TM2D1: variants seen among roughly 807,000 people sequenced by gnomAD.
TM2D1 encodes TM2 domain-containing protein 1.
A neutral mutation model predicts 28.4 loss-of-function variants in TM2D1; 15 were observed. That is an observed-to-expected ratio of 0.53 (90% CI 0.35 to 0.81). The LOEUF (loss-of-function observed/expected upper bound fraction) is 0.81. Among genes scored for constraint, TM2D1 ranks in the 40% least tolerant of loss-of-function variants. The pLI is 0.01. For synonymous variants in TM2D1, 93 were observed against 96.2 expected (o/e 0.97, Z 0.20); for missense variants, 236 against 254.9 (o/e 0.93, Z 0.50).
At chr1:61,681,485 T>C (rs1196897099) in intron 6 of TM2D1, 135 bp from the exon 7 acceptor site, 3 of 152,342 alleles carry the variant, frequency 2.0e-5, no homozygotes, top group East Asian at 1.9e-4. Flanking sequence ...CTGTATAATG[T>C]AGAGAGATTA....
chr1:61,699,964 T>C, intron 4 of TM2D1: 1 of 525,134 alleles, frequency 1.9e-6, no homozygotes. Context: ...TCATCTTTTG[T>C]GGGTAGCAAC....
intron 6 of TM2D1, 94 bp downstream of exon 6, chr1:61,683,323 G>A: frequency 2.3e-6 from 1 of 430,858 alleles, no homozygotes; most frequent in Non-Finnish European, 4.0e-6. Context: ...GGTTTATACG[G>A]TTTCTTAAAA....
At position 61,694,704 on chromosome 1, in the gene TM2D1, G is replaced by A; in HGVS notation, c.506C>T (p.Ser169Leu). Residue 169 changes from serine (S) to leucine (L), a missense_variant, in exon 5 of 7, where the codon TCA (serine) becomes TTA (leucine). Coordinates refer to ENST00000606498, the MANE Select transcript of TM2D1 (RefSeq NM_032027.3). ...IGSLIDFILI[S>L]MQIVGPSDGS... Reference sequence around the variant, plus strand: ...CTAGATTGAGAAACTTACCTGCATTGAAATAAGAATGAAATCAATTAGGCT... The same window carrying A: ...CTAGATTGAGAAACTTACCTGCATTAAAATAAGAATGAAATCAATTAGGCT... The A allele has an allele frequency of 6.3e-7, 1 of 1,599,560 alleles. No homozygotes were observed. The highest frequency in any genetic ancestry group is 1.1e-5 in the South Asian group (1 of 88,140).
At chr1:61,682,720 C>A (rs971672133) in intron 6 of TM2D1, among the ~76,000 whole-genome samples, 2 of 151,930 alleles carry the variant, frequency 1.3e-5, no homozygotes, top group South Asian at 4.2e-4. Flanking sequence ...AATGGCGAAA[C>A]CCCATCTCTA....
chr1:61,711,080 G>C (rs905519112), intron 2 of TM2D1, among the ~76,000 whole-genome samples: 1 of 152,150 alleles, frequency 6.6e-6, no homozygotes. Flanking sequence ...GCTCAAGCCT[G>C]TGATCCCAGC....
At chr1:61,687,911 T>C (rs995120201) in intron 5 of TM2D1, among the ~76,000 whole-genome samples, 2 of 152,186 alleles carry the variant, frequency 1.3e-5, no homozygotes, top group African/African-American at 4.8e-5. Context: ...CTCCCCCAAA[T>C]AACTAATACT....
chr1:61,702,661 C>T (rs1338857348), intron 3 of TM2D1, among the ~76,000 whole-genome samples: 4 of 150,858 alleles, frequency 2.7e-5, no homozygotes, highest in Admixed American at 1.3e-4. Flanking sequence ...AGCCACCATG[C>T]CTGGTCCAAT....
chr1:61,721,000 G>A (rs535419156), intron 2 of TM2D1, among the ~76,000 whole-genome samples: 28 of 151,716 alleles, frequency 1.8e-4, no homozygotes, highest in African/African-American at 5.1e-4. Flanking sequence ...CAGGTGGATC[G>A]CTTGAGCCCA....
intron 2 of TM2D1, among the ~76,000 whole-genome samples, chr1:61,718,597 A>T (rs1310501239): frequency 6.6e-6 from 1 of 152,234 alleles, no homozygotes; most frequent in African/African-American, 2.4e-5. Flanking sequence ...AAAGAAAAAA[A>T]TACTAACTAT....
chr1:61,716,346 T>G (rs1644518988), intron 2 of TM2D1, among the ~76,000 whole-genome samples: 1 of 146,322 alleles, frequency 6.8e-6, no homozygotes, highest in South Asian at 2.1e-4. Flanking sequence ...CAACAAATAT[T>G]ATATACATAT....
intron 2 of TM2D1, 121 bp from the exon 3 acceptor site, chr1:61,709,558 C>A: frequency 1.5e-6 from 1 of 679,936 alleles, no homozygotes; most frequent in Non-Finnish European, 2.6e-6. Flanking sequence ...TGACACAAGC[C>A]TTTAATTTTA....
intron 4 of TM2D1, among the ~76,000 whole-genome samples, chr1:61,697,105 T>C (rs1644368561): frequency 6.6e-6 from 1 of 152,194 alleles, no homozygotes; most frequent in South Asian, 2.1e-4. Context: ...TTTGGAAACC[T>C]AAAACAAGTT....
In TM2D1 at chr1:61,681,320, G is replaced by A. The variant is rs1367030148; in HGVS notation, c.*50C>T. On this transcript the variant is annotated 3_prime_UTR_variant, in exon 7 of 7. Coordinates refer to ENST00000606498, the MANE Select transcript of TM2D1 (RefSeq NM_032027.3). ...AAATCTTTAAATCCATACACTAGAA[G>A]TTCTCTATTAAAATCAAGGAGGCTC... 6.6e-6 allele frequency: 1 copy of A among 152,242 alleles called. No homozygotes were observed. The highest frequency in any genetic ancestry group is 2.4e-5 in the African/African-American group (1 of 41,448). 9.4% of individuals were successfully genotyped at this position (152,242 alleles called of 1,614,324 possible).
intron 2 of TM2D1, among the ~76,000 whole-genome samples, chr1:61,713,193 C>G (rs1457122260): frequency 6.8e-6 from 1 of 146,752 alleles, no homozygotes; most frequent in African/African-American, 2.5e-5. Context: ...AGCTGAGAAT[C>G]TAGGCCGGGT....
intron 6 of TM2D1, among the ~76,000 whole-genome samples, chr1:61,682,850 G>A (rs536137933): frequency 8.3e-5 from 12 of 144,684 alleles, no homozygotes; most frequent in Admixed American, 1.4e-4. Flanking sequence ...CCAAGATTGA[G>A]CCACTGCACT....
intron 3 of TM2D1, 40 bp from the exon 4 acceptor site, chr1:61,701,065 G>T: frequency 2.0e-6 from 3 of 1,486,390 alleles, no homozygotes; most frequent in South Asian, 2.4e-5. Flanking sequence ...TTTCCAATGT[G>T]AACATTTTAG....
At chr1:61,693,587 T>C (rs1436111983) in intron 5 of TM2D1, among the ~76,000 whole-genome samples, 1 of 152,180 alleles carries the variant, frequency 6.6e-6, no homozygotes, top group Non-Finnish European at 1.5e-5. Flanking sequence ...TGTTTACGAG[T>C]ACAGACAGGA....
intron 2 of TM2D1, among the ~76,000 whole-genome samples, chr1:61,709,949 G>A (rs1644465242): frequency 6.6e-6 from 1 of 152,092 alleles, no homozygotes; most frequent in Admixed American, 6.6e-5. Flanking sequence ...GTTTGATATA[G>A]ATTATTTCAG....
intron 2 of TM2D1, among the ~76,000 whole-genome samples, chr1:61,719,407 C>T (rs1179117965): frequency 7.5e-6 from 1 of 133,272 alleles, no homozygotes; most frequent in East Asian, 2.1e-4. Context: ...AAAGTATATA[C>T]ACAGAGAGAG....
Sources: gnomAD v4.1 joint callset for allele counts (sites outside exome capture counted in the v4.1 genomes callset) on GRCh38, gnomAD v4.1.1 for gene constraint, MANE v1.5 for transcripts, NCBI Gene and HGNC (gene_info 2026-07-23, HGNC 2026-07-21) for gene names.